The following SPOCK3 variants were observed in gnomAD, a reference collection of about 807,000 sequenced individuals.
SPOCK3 encodes the protein testican-3.
SPOCK3 carries 30 observed loss-of-function variants against 56.6 expected under a neutral mutation model. The observed-to-expected ratio is 0.53, with a 90% confidence interval of 0.40 to 0.72. The LOEUF (loss-of-function observed/expected upper bound fraction) is 0.72. Ranked by LOEUF, SPOCK3 falls within the 30% of genes least tolerant of loss-of-function variation. The probability of loss-of-function intolerance (pLI) is 0.00; values close to 1 mark genes in which losing one functional copy is unlikely to be tolerated. For synonymous variants in SPOCK3, 196 were observed against 183.3 expected (o/e 1.07, Z -0.56); for missense variants, 527 against 530.0 (o/e 0.99, Z 0.06).
intron 2 of SPOCK3, among the ~76,000 whole-genome samples, chr4:167,159,164 T>G (rs922901893): frequency 6.6e-6 from 1 of 152,008 alleles, no homozygotes; most frequent in Non-Finnish European, 1.5e-5. Flanking sequence ...TTTTCTCATC[T>G]AAAAAGTAAT....
intron 2 of SPOCK3, among the ~76,000 whole-genome samples, chr4:167,072,911 T>G (rs1198935224): frequency 6.6e-6 from 1 of 151,846 alleles, no homozygotes; most frequent in Non-Finnish European, 1.5e-5. Context: ...TAAATTAAGG[T>G]CAAGTGCCTC....
chr4:166,941,213 C>T (rs1307084637), intron 4 of SPOCK3, among the ~76,000 whole-genome samples: 1 of 151,990 alleles, frequency 6.6e-6, no homozygotes, highest in Non-Finnish European at 1.5e-5. Context: ...TGGTCAATTT[C>T]TATGGGAATT....
At chr4:167,054,617 C>T (rs1157007886) in intron 3 of SPOCK3, among the ~76,000 whole-genome samples, 1 of 152,166 alleles carries the variant, frequency 6.6e-6, no homozygotes, top group Non-Finnish European at 1.5e-5. Context: ...TGCTTTAGCT[C>T]ATTTTGCAGC....
chr4:166,955,278 A>G (rs1392543586), intron 4 of SPOCK3, among the ~76,000 whole-genome samples: 1 of 151,276 alleles, frequency 6.6e-6, no homozygotes, highest in Admixed American at 6.6e-5. Context: ...ATTTATTTTA[A>G]TCAAGTATTC....
intron 3 of SPOCK3, among the ~76,000 whole-genome samples, chr4:167,056,695 G>A (rs1308280689): frequency 6.6e-6 from 1 of 152,128 alleles, no homozygotes; most frequent in African/African-American, 2.4e-5. Flanking sequence ...AGTGATGGAA[G>A]ATGAAATGAA....
chr4:166,816,937 A>C (rs990086267), intron 6 of SPOCK3, among the ~76,000 whole-genome samples: 13 of 152,012 alleles, frequency 8.6e-5, no homozygotes, highest in South Asian at 6.2e-4. Context: ...ACCATTTTAT[A>C]TTCTTTCCAC....
intron 7 of SPOCK3, among the ~76,000 whole-genome samples, chr4:166,769,641 C>T (rs537649625): frequency 5.3e-5 from 8 of 152,252 alleles, no homozygotes; most frequent in Admixed American, 3.9e-4. Flanking sequence ...GGTCAGGGAC[C>T]CACTTGAGGA....
intron 2 of SPOCK3, among the ~76,000 whole-genome samples, chr4:167,116,100 A>G (rs1176942159): frequency 6.6e-6 from 1 of 151,944 alleles, no homozygotes; most frequent in African/African-American, 2.4e-5. Context: ...CTCATGGAGT[A>G]CAAAATATAT....
chr4:167,202,085 ATGT>A lies in SPOCK3; in HGVS notation c.189+31897_189+31899del, dbSNP rs1733569620. Among the ~76,000 whole-genome samples the A allele has an allele frequency of 2.0e-5, 3 of 151,966 alleles. No homozygotes were observed. In the South Asian group the frequency reaches 6.2e-4, roughly 32 times the overall value. ...AATTTATTAAATAACAGTATAGAAA[ATGT>A]TGTTTTATAATTTTAAAACCACTGT... is the stretch of plus-strand genomic sequence containing the variant. On this transcript the variant is annotated intron_variant, in intron 2 of 10. Transcript: ENST00000357545.
chr4:167,020,610 G>A (rs1174586551), intron 3 of SPOCK3, among the ~76,000 whole-genome samples: 3 of 151,934 alleles, frequency 2.0e-5, no homozygotes, highest in Non-Finnish European at 4.4e-5. Context: ...GCCATATGGG[G>A]GCAGAGCAAG....
At chr4:166,933,483 G>A (rs900435753) in intron 4 of SPOCK3, among the ~76,000 whole-genome samples, 2 of 152,006 alleles carry the variant, frequency 1.3e-5, no homozygotes, top group Non-Finnish European at 2.9e-5. Context: ...AGAAAGTTAT[G>A]TTTTTCCCTC....
At chr4:166,744,750 A>G (rs1284766703) in intron 8 of SPOCK3, among the ~76,000 whole-genome samples, 1 of 152,174 alleles carries the variant, frequency 6.6e-6, no homozygotes, top group Non-Finnish European at 1.5e-5. Context: ...AAAAGATTAG[A>G]CAAATGGCTA....
Position 167,000,331 on chromosome 4 carries a change from A to G in SPOCK3, c.350+18T>C, listed in dbSNP as rs979793494. 10 of 1,318,980 alleles carry G rather than the reference A, an allele frequency of 7.6e-6. No individual in the cohort carries two copies. The highest frequency in any genetic ancestry group is 1.1e-5 in the Non-Finnish European group (10 of 935,126). The allele number at this position is 1,318,980 out of a possible 1,614,324, so 81.7% of individuals were successfully genotyped here. On this transcript the variant is annotated intron_variant, in intron 4 of 10. Coordinates refer to ENST00000357545, the MANE Select transcript of SPOCK3 (RefSeq NM_001040159.2). The stretch of plus-strand genomic sequence containing the variant: ...GGAGCGCTGTTCAATCAGTGGGATT[A>G]AATTTAACAATGTTTACCTGTGTGT...
chr4:166,907,152 A>C (rs1401305590), intron 5 of SPOCK3, among the ~76,000 whole-genome samples: 1 of 152,114 alleles, frequency 6.6e-6, no homozygotes, highest in African/African-American at 2.4e-5. Flanking sequence ...AGATCAAAAC[A>C]CAAGTTATTG....
chr4:167,214,198 C>CAATAA (rs1233897027), intron 2 of SPOCK3, among the ~76,000 whole-genome samples: 1 of 152,026 alleles, frequency 6.6e-6, no homozygotes, highest in African/African-American at 2.4e-5. Flanking sequence ...TGAAACCACC[C>CAATAA]AATAGGTAGC....
At chr4:166,922,832 G>A (rs932280160) in intron 4 of SPOCK3, among the ~76,000 whole-genome samples, 10 of 152,266 alleles carry the variant, frequency 6.6e-5, no homozygotes, top group Middle Eastern at 3.4e-3. Context: ...ATCCTTTGGA[G>A]TCAACATACC....
At chr4:167,188,571 C>G (rs1732213567) in intron 2 of SPOCK3, among the ~76,000 whole-genome samples, 1 of 144,980 alleles carries the variant, frequency 6.9e-6, no homozygotes, top group Middle Eastern at 3.2e-3. Context: ...AAATAAAAAG[C>G]CTAAAATCAA....
chr4:167,160,897 G>T (rs1437267927), intron 2 of SPOCK3, among the ~76,000 whole-genome samples: 1 of 152,068 alleles, frequency 6.6e-6, no homozygotes, highest in Non-Finnish European at 1.5e-5. Flanking sequence ...ATTCGAGATG[G>T]ATTGATTAAA....
chr4:167,153,970 T>C (rs815221), intron 2 of SPOCK3, among the ~76,000 whole-genome samples: 152,073 of 152,224 alleles, frequency 1, 75,961 homozygotes, highest in Middle Eastern at 1. Flanking sequence ...TTTCTCTACA[T>C]ACCTGTTTCA....
Sources: allele counts gnomAD v4.1 joint callset (sites outside exome capture counted in the v4.1 genomes callset), GRCh38; gene constraint gnomAD v4.1.1; transcripts MANE v1.5; gene names NCBI Gene and HGNC (gene_info 2026-07-23, HGNC 2026-07-21).